The following CCDC194 variants were observed in gnomAD, a reference collection of about 807,000 sequenced individuals.
CCDC194 encodes the protein coiled-coil domain-containing protein 194.
CCDC194 carries 8 observed loss-of-function variants against 4.9 expected under a neutral mutation model. The observed-to-expected ratio is 1.65, with a 90% CI of 0.97 to 2.97. CCDC194 has a LOEUF of 2.97. CCDC194 is among the 30% of genes most tolerant of loss of function. CCDC194 has a pLI of 0.00. For missense variants in CCDC194, 52 were observed against 43.1 expected, an observed-to-expected ratio of 1.21 and a Z score of -0.58; for synonymous variants, 13 against 17.0, an observed-to-expected ratio of 0.76 and a Z score of 0.58.
downstream of CCDC194, among the ~76,000 whole-genome samples, chr19:17,388,847 A>G (rs1475349799): frequency 2.0e-5 from 3 of 151,156 alleles, no homozygotes; most frequent in Non-Finnish European, 4.4e-5. Context: ...TTTCATGTTT[A>G]ATTTTTGAGA....
At chr19:17,394,111 G>A (rs2074665496) in exon 1 of CCDC194, 3 of 393,220 alleles carry the variant, frequency 7.6e-6, no homozygotes, top group African/African-American at 4.1e-5. Flanking sequence ...CCCCGCACAG[G>A]GCGAGCACCC....
rs552463376 is a variant in CCDC194, at chr19:17,390,685, T to G, written c.555-26A>C. 1.0e-5 allele frequency: 4 copies of G among 397,610 alleles called. No individual in the cohort carries two copies. In the East Asian group the frequency reaches 1.4e-4, roughly 14 times the overall value. The allele number at this position is 397,610 out of a possible 1,614,324, so 24.6% of individuals were successfully genotyped here. A position where few individuals can be genotyped will look rare whatever the true frequency, so the allele number is the denominator to read the frequency against. On this transcript the variant is annotated intron_variant, in intron 3 of 3. Transcript: ENST00000636079. The surrounding 1 kb of genome is among the most constrained non-coding windows in gnomAD (Gnocchi z 5.5). The stretch of plus-strand genomic sequence containing the variant: ...CTGCCGGGAAGGGGGAAGGGGGCTG[T>G]CAGCCTCTGGACCCCTGTCCCCAGA...
intron 1 of CCDC194, 92 bp from the exon 2 acceptor site, chr19:17,391,938 T>A: frequency 8.6e-7 from 1 of 1,159,516 alleles, no homozygotes; most frequent in Non-Finnish European, 1.2e-6. Flanking sequence ...AGAAGCCACC[T>A]GCGACCCTGT....
At chr19:17,393,605 T>C (rs2074663278) in intron 1 of CCDC194, among the ~76,000 whole-genome samples, 1 of 152,090 alleles carries the variant, frequency 6.6e-6, no homozygotes, top group Non-Finnish European at 1.5e-5. Flanking sequence ...GCCAGGCTGG[T>C]CTCGAACTCC....
chr19:17,391,980 G>C (rs1012081384), intron 1 of CCDC194, 134 bp from the exon 2 acceptor site: 1 of 834,104 alleles, frequency 1.2e-6, no homozygotes. Flanking sequence ...GTCCTTTGGG[G>C]CCTTGTAGTT....
chr19:17,387,612 C>G (rs139972598), downstream of CCDC194, among the ~76,000 whole-genome samples: 9 of 151,862 alleles, frequency 5.9e-5, no homozygotes, highest in Admixed American at 2.0e-4. Context: ...TCCAGTTACT[C>G]GAGGCTGAGG....
At chr19:17,393,279 C>T (rs2074661486) in intron 1 of CCDC194, among the ~76,000 whole-genome samples, 1 of 151,422 alleles carries the variant, frequency 6.6e-6, no homozygotes, top group Non-Finnish European at 1.5e-5. Context: ...TGGAAACTGG[C>T]TGGAGTGGGG....
Position 17,390,693 on chromosome 19 carries a change from T to C in CCDC194, c.555-34A>G. 1 of 397,210 alleles carries C rather than the reference T, an allele frequency of 2.5e-6. No homozygotes were observed. Among genetic ancestry groups the C allele is most frequent in the Non-Finnish European group, 4.4e-6 (1 of 225,116 alleles). 24.6% of individuals were successfully genotyped at this position (397,210 alleles called of 1,614,324 possible). A position where few individuals can be genotyped will look rare whatever the true frequency, so the allele number is the denominator to read the frequency against. On this transcript the variant is annotated intron_variant, in intron 3 of 3. Transcript: ENST00000636079. The surrounding 1 kb of genome is among the most constrained non-coding windows in gnomAD (Gnocchi z 5.5). ...AAGGGGGAAGGGGGCTGTCAGCCTC[T>C]GGACCCCTGTCCCCAGACATCGCCA...
In CCDC194 at chr19:17,390,538, G is replaced by C. The variant is rs895430428; in HGVS notation, c.676C>G (p.Arg226Gly). 5.1e-6 allele frequency: 2 copies of C among 395,534 alleles called. No individual in the cohort carries two copies. Among genetic ancestry groups the C allele is most frequent in the Non-Finnish European group, 8.9e-6 (2 of 224,164 alleles). The allele number at this position is 395,534 out of a possible 1,614,324, so 24.5% of individuals were successfully genotyped here. ...CCTCGTGCGCGCCGCGCCGGCCGCC[G>C]GCAGCCCCCGGAGGGTCCGGAGCGA... The change falls in exon 4 of 4, where the codon CGG (arginine) becomes GGG (glycine). Residue 226 changes from arginine to glycine, a missense_variant. Transcript: ENST00000636079. This position sits in a 1 kb window ranked among gnomAD's most constrained non-coding sequence, Gnocchi z 5.5.
chr19:17,389,553 T>C (rs2074646835), downstream of CCDC194, among the ~76,000 whole-genome samples: 1 of 152,182 alleles, frequency 6.6e-6, no homozygotes, highest in Non-Finnish European at 1.5e-5. Flanking sequence ...TTTTGATGTG[T>C]TTTTTCCCCC....
At chr19:17,387,516 G>A (rs114138756), downstream of CCDC194, among the ~76,000 whole-genome samples, 3,983 of 152,190 alleles carry the variant, frequency 0.026, 137 homozygotes, top group African/African-American at 0.071. Context: ...TTAGCAATTC[G>A]AGACCAGCCT....
At chr19:17,391,086 GCC>G (rs3078449) in intron 3 of CCDC194, 123 bp downstream of exon 3, 313,292 of 360,498 alleles carry the variant, frequency 0.87, 137,067 homozygotes, top group Middle Eastern at 0.95. Flanking sequence ...AATCAACAAT[GCC>G]CCCCCCCCAC....
chr19:17,393,420 G>C (rs4808630), intron 1 of CCDC194, among the ~76,000 whole-genome samples: 1 of 140,774 alleles, frequency 7.1e-6, no homozygotes, highest in Admixed American at 7.1e-5. Flanking sequence ...ATGGAGTCTC[G>C]CTGTGTCACC....
At chr19:17,392,096 C>T (rs567133296) in intron 1 of CCDC194, 127 of 397,046 alleles carry the variant, frequency 3.2e-4, no homozygotes, top group African/African-American at 2.2e-3. Flanking sequence ...CCTAAGCCAC[C>T]AGAAAGTGGA....
At chr19:17,394,105 G>A (rs2074665448) in exon 1 of CCDC194, 4 of 392,318 alleles carry the variant, frequency 1.0e-5, no homozygotes, top group Non-Finnish European at 1.4e-5. Context: ...CGGCCACCCC[G>A]CACAGGGCGA....
chr19:17,388,447 C>T (rs1048570733), downstream of CCDC194, among the ~76,000 whole-genome samples: 7 of 151,100 alleles, frequency 4.6e-5, no homozygotes, highest in African/African-American at 1.7e-4. Context: ...GGGTTTTGCT[C>T]CAGTCACCCT....
chr19:17,389,081 C>A (rs2074645392), downstream of CCDC194, among the ~76,000 whole-genome samples: 1 of 152,174 alleles, frequency 6.6e-6, no homozygotes, highest in African/African-American at 2.4e-5. Flanking sequence ...CTCAAGTGAT[C>A]TTCTTGCTGT....
intron 1 of CCDC194, among the ~76,000 whole-genome samples, chr19:17,393,376 C>CTTTTT (rs551933814): frequency 1.7e-5 from 2 of 115,432 alleles, no homozygotes; most frequent in Admixed American, 8.7e-5. Context: ...GACAGTGAGA[C>CTTTTT]TTTTTTTTTT....
intron 1 of CCDC194, among the ~76,000 whole-genome samples, chr19:17,392,477 C>T (rs1296568249): frequency 6.6e-6 from 1 of 152,046 alleles, no homozygotes; most frequent in Non-Finnish European, 1.5e-5. Context: ...CGTCTCAGAA[C>T]AAACAAACCC....
Sources: gnomAD v4.1 joint callset for allele counts (sites outside exome capture counted in the v4.1 genomes callset) on GRCh38, gnomAD v4.1.1 for gene constraint, Gnocchi (gnomAD v3.1) non-coding constraint, MANE v1.5 for transcripts, NCBI Gene and HGNC (gene_info 2026-07-23, HGNC 2026-07-21) for gene names.